The following GK5 variants were observed in gnomAD, a reference collection of about 807,000 sequenced individuals.
GK5 encodes ATP:glycerol 3-phosphotransferase 5.
GK5 carries 39 observed loss-of-function variants against 77.3 expected under a neutral mutation model. The ratio of observed to expected loss-of-function variants is 0.50; its 90% confidence interval spans 0.39 to 0.66. GK5 has a LOEUF of 0.66. Among genes scored for constraint, GK5 ranks in the 30% least tolerant of loss-of-function variants. The pLI is 0.00. For synonymous variants in GK5, 211 were observed against 208.0 expected, an observed-to-expected ratio of 1.01 and a Z score of -0.13; for missense variants, 487 against 633.8, an observed-to-expected ratio of 0.77 and a Z score of 2.49.
At chr3:142,183,134 C>T in intron 9 of GK5, 85 bp from the exon 10 acceptor site, 1 of 1,138,526 alleles carries the variant, frequency 8.8e-7, no homozygotes, top group Non-Finnish European at 1.3e-6. Flanking sequence ...ATTGTACTCT[C>T]ATGATTAAAC....
intron 1 of GK5, among the ~76,000 whole-genome samples, chr3:142,221,143 G>A (rs891827519): frequency 7.2e-5 from 11 of 152,196 alleles, no homozygotes; most frequent in African/African-American, 2.7e-4. Context: ...TGAGGATACA[G>A]TGACAATATG....
Position 142,158,026 on chromosome 3 carries a change from A to T in GK5, c.*7596T>A, listed in dbSNP as rs1297636562. 1.3e-5 allele frequency: 2 copies of T among 151,404 alleles called. No individual in the cohort carries two copies. Among genetic ancestry groups the T allele is most frequent in the East Asian group, 3.9e-4 (2 of 5,152 alleles). 9.4% of individuals were successfully genotyped at this position (151,404 alleles called of 1,614,324 possible). On this transcript the variant is annotated 3_prime_UTR_variant, in exon 16 of 16. Transcript: ENST00000392993. ...GAGTGCAGTGGCGCGATCTCAGCTC[A>T]CTGCAAGCTCCGCCTCCTGGGTTCA...
At chr3:142,195,001 G>A (rs559007559) in intron 5 of GK5, among the ~76,000 whole-genome samples, 4 of 151,704 alleles carry the variant, frequency 2.6e-5, no homozygotes, top group Non-Finnish European at 4.4e-5. Context: ...GTATGGTGTC[G>A]GCTGTGGGTT....
chr3:142,182,677 C>T (rs891941980), intron 10 of GK5, among the ~76,000 whole-genome samples: 6 of 152,068 alleles, frequency 3.9e-5, no homozygotes, highest in African/African-American at 1.4e-4. Flanking sequence ...ACAAATACAA[C>T]ATGTGTTATA....
chr3:142,176,112 G>A (rs2063606373), intron 12 of GK5, among the ~76,000 whole-genome samples: 1 of 152,004 alleles, frequency 6.6e-6, no homozygotes, highest in Non-Finnish European at 1.5e-5. Flanking sequence ...TCATCCTGAA[G>A]AGGATGCAAT....
intron 9 of GK5, among the ~76,000 whole-genome samples, chr3:142,184,260 C>CAAAAAAAAAAAAAAAAAAAAAAAA (rs1161704184): frequency 9.4e-5 from 1 of 10,682 alleles, no homozygotes; most frequent in African/African-American, 3.9e-4. Context: ...GACTCTGTCT[C>CAAAAAAAAAAAAAAAAAAAAAAAA]AAAAAAAAAA....
chr3:142,193,305 T>C (rs2063880549), intron 5 of GK5, among the ~76,000 whole-genome samples: 1 of 152,096 alleles, frequency 6.6e-6, no homozygotes, highest in African/African-American at 2.4e-5. Context: ...CAAAAGGATA[T>C]ACAAATGGTA....
At chr3:142,179,900 C>T (rs1370276614) in intron 11 of GK5, among the ~76,000 whole-genome samples, 1 of 152,162 alleles carries the variant, frequency 6.6e-6, no homozygotes. Context: ...CTGGCCTAGA[C>T]TCAGAGGTAG....
chr3:142,202,953 A>T (rs1478326469), intron 4 of GK5, among the ~76,000 whole-genome samples: 1 of 152,168 alleles, frequency 6.6e-6, no homozygotes, highest in Non-Finnish European at 1.5e-5. Flanking sequence ...GAAATATGAG[A>T]CATATTACAG....
rs760346973 is a variant in GK5, at chr3:142,225,459, G to A, written c.-4C>T. On this transcript the variant is annotated 5_prime_UTR_variant, in exon 1 of 16. Transcript: ENST00000392993. ...GGTCCGTGAGCAGCCCCGACATCCC[G>A]ATCCCGCACGCCTCTCCGCTACAGC... The A allele has an allele frequency of 1.9e-6, 3 of 1,601,230 alleles. No individual in the cohort carries two copies. The highest frequency in any genetic ancestry group is 1.7e-4 in the Middle Eastern group (1 of 5,876).
At chr3:142,217,053 A>C (rs2064284047) in intron 1 of GK5, among the ~76,000 whole-genome samples, 1 of 152,264 alleles carries the variant, frequency 6.6e-6, no homozygotes, top group Admixed American at 6.5e-5. Flanking sequence ...ACTACAAGGT[A>C]TATGAAGAAC....
At chr3:142,197,689 T>A (rs777420123) in intron 5 of GK5, among the ~76,000 whole-genome samples, 2 of 152,198 alleles carry the variant, frequency 1.3e-5, no homozygotes, top group African/African-American at 2.4e-5. Context: ...TGTAAATTGT[T>A]ATTATCACTT....
intron 5 of GK5, among the ~76,000 whole-genome samples, chr3:142,197,415 T>C (rs1336076107): frequency 6.6e-6 from 1 of 152,216 alleles, no homozygotes; most frequent in Non-Finnish European, 1.5e-5. Flanking sequence ...CTATACTACC[T>C]GATGTTAATA....
chr3:142,212,914 G>A (rs1308430933), intron 3 of GK5, among the ~76,000 whole-genome samples: 7 of 147,744 alleles, frequency 4.7e-5, no homozygotes, highest in East Asian at 2.0e-4. Flanking sequence ...GCTCACTGCA[G>A]GCTCCGCCCC....
intron 5 of GK5, among the ~76,000 whole-genome samples, chr3:142,190,739 A>G (rs951048232): frequency 6.6e-6 from 1 of 152,214 alleles, no homozygotes; most frequent in Non-Finnish European, 1.5e-5. Context: ...AATTCATACT[A>G]AGTAAAGAAA....
chr3:142,168,877 T>C (rs1330434491), intron 15 of GK5, among the ~76,000 whole-genome samples: 1 of 152,110 alleles, frequency 6.6e-6, no homozygotes, highest in Non-Finnish European at 1.5e-5. Context: ...CTTCCCATCA[T>C]TGATGAATGC....
intron 5 of GK5, among the ~76,000 whole-genome samples, chr3:142,197,539 T>C (rs1302528381): frequency 3.9e-5 from 6 of 152,212 alleles, no homozygotes; most frequent in African/African-American, 1.2e-4. Context: ...AGACAACATA[T>C]AGTTAGATCT....
intron 11 of GK5, among the ~76,000 whole-genome samples, chr3:142,178,896 C>G (rs776398614): frequency 2.6e-5 from 4 of 152,232 alleles, no homozygotes; most frequent in Non-Finnish European, 4.4e-5. Context: ...CAGCGGCAGG[C>G]ACGAGAGTTC....
chr3:142,174,924 C>G (rs1381720462), intron 12 of GK5, among the ~76,000 whole-genome samples: 1 of 152,150 alleles, frequency 6.6e-6, no homozygotes, highest in East Asian at 1.9e-4. Context: ...TGTGATATTT[C>G]TAAGTTGTGA....
Sources: allele counts gnomAD v4.1 joint callset (sites outside exome capture counted in the v4.1 genomes callset), GRCh38; gene constraint gnomAD v4.1.1; transcripts MANE v1.5; gene names NCBI Gene and HGNC (gene_info 2026-07-23, HGNC 2026-07-21).